The following LYN variants were observed in gnomAD, a reference collection of about 807,000 sequenced individuals.
LYN encodes LYN proto-oncogene, Src family tyrosine kinase, also known as tyrosine-protein kinase Lyn.
Under a neutral mutation model 65.0 loss-of-function variants are expected in LYN, and 12 were observed. The observed-to-expected ratio is 0.18, with a 90% CI of 0.12 to 0.30. The LOEUF is 0.30. LYN is among the 10% of genes least tolerant of loss of function. LYN has a pLI of 1.00. For missense variants in LYN, 380 were observed against 623.2 expected, an observed-to-expected ratio of 0.61 and a Z score of 4.16; for synonymous variants, 222 against 221.2, an observed-to-expected ratio of 1.00 and a Z score of -0.03.
At chr8:55,897,544 C>T (rs1805152228) in intron 1 of LYN, among the ~76,000 whole-genome samples, 1 of 152,144 alleles carries the variant, frequency 6.6e-6, no homozygotes, top group African/African-American at 2.4e-5. Flanking sequence ...AGAAAACCTA[C>T]TACTACTACT....
At chr8:55,891,757 G>A (rs1240911081) in intron 1 of LYN, among the ~76,000 whole-genome samples, 1 of 152,186 alleles carries the variant, frequency 6.6e-6, no homozygotes. Flanking sequence ...GAGCAGATAC[G>A]TGTACAAATA....
chr8:55,882,511 C>T (rs1804678980), intron 1 of LYN, among the ~76,000 whole-genome samples: 1 of 152,072 alleles, frequency 6.6e-6, no homozygotes, highest in Admixed American at 6.5e-5. Context: ...GTATACATGC[C>T]CACAGCAGGG....
intron 1 of LYN, among the ~76,000 whole-genome samples, chr8:55,911,921 G>T (rs1157823093): frequency 6.6e-6 from 1 of 152,120 alleles, no homozygotes; most frequent in Non-Finnish European, 1.5e-5. Flanking sequence ...TTATTGATGG[G>T]GTGTGGTGGG....
At chr8:56,004,325 G>A (rs374909038) in intron 12 of LYN, among the ~76,000 whole-genome samples, 17 of 134,654 alleles carry the variant, frequency 1.3e-4, no homozygotes, top group Admixed American at 5.6e-4. Flanking sequence ...ACAGAGTCTC[G>A]CTCCGTCACC....
At chr8:55,897,902 C>T (rs190529618) in intron 1 of LYN, among the ~76,000 whole-genome samples, 1 of 151,842 alleles carries the variant, frequency 6.6e-6, no homozygotes, top group East Asian at 1.9e-4. Flanking sequence ...GACAGTGAGG[C>T]CCTGTCTCAC....
chr8:55,954,032 G>A, intron 8 of LYN, 48 bp downstream of exon 8: 2 of 1,593,618 alleles, frequency 1.3e-6, no homozygotes, highest in Non-Finnish European at 8.6e-7. Context: ...ATGGTGACAG[G>A]AGAAGTAAAG....
intron 10 of LYN, among the ~76,000 whole-genome samples, chr8:55,986,652 T>C (rs1017197007): frequency 2.6e-5 from 4 of 152,232 alleles, no homozygotes; most frequent in African/African-American, 9.6e-5. Flanking sequence ...AGCTTGGATA[T>C]GCCAAACACT....
chr8:55,993,278 T>C (rs1808296175), intron 10 of LYN, among the ~76,000 whole-genome samples: 1 of 152,216 alleles, frequency 6.6e-6, no homozygotes, highest in Admixed American at 6.5e-5. Flanking sequence ...CTTCCTGAAA[T>C]GGGAACCAGA....
intron 1 of LYN, among the ~76,000 whole-genome samples, chr8:55,913,899 CG>C: frequency 6.6e-6 from 1 of 152,082 alleles, no homozygotes; most frequent in East Asian, 1.9e-4. Flanking sequence ...CTTATGGCTG[CG>C]AGAGAGGATG....
At chr8:55,974,031 A>C (rs943262331) in intron 10 of LYN, among the ~76,000 whole-genome samples, 2 of 152,238 alleles carry the variant, frequency 1.3e-5, no homozygotes, top group Non-Finnish European at 2.9e-5. Context: ...TTCTACCTCC[A>C]TTATCTAATT....
intron 2 of LYN, 83 bp from the exon 3 acceptor site, chr8:55,946,365 G>C: frequency 1.1e-6 from 1 of 892,098 alleles, no homozygotes; most frequent in Non-Finnish European, 1.9e-6. Context: ...ATCTGCTACT[G>C]TTACAAAAAT....
intron 10 of LYN, among the ~76,000 whole-genome samples, chr8:55,986,193 G>C (rs57379839): frequency 0.31 from 44,712 of 145,404 alleles, 8,578 homozygotes; most frequent in African/African-American, 0.53. Flanking sequence ...AATCCCCCCC[G>C]CAAAAAAAAA....
chr8:55,971,652 T>G (rs1807613129), intron 10 of LYN, among the ~76,000 whole-genome samples: 1 of 152,244 alleles, frequency 6.6e-6, no homozygotes, highest in African/African-American at 2.4e-5. Flanking sequence ...ACCCGGAGAA[T>G]GACTTTATTT....
intron 1 of LYN, among the ~76,000 whole-genome samples, chr8:55,914,125 A>T (rs1240953112): frequency 2.0e-5 from 3 of 151,904 alleles, no homozygotes; most frequent in Non-Finnish European, 4.4e-5. Flanking sequence ...TGCACGTATG[A>T]CAGAGAGAGA....
rs1017278376 is a variant in LYN at position 55,896,272 on chromosome 8, GA to G, written c.-6+16178del. 2.0e-3 allele frequency among the ~76,000 whole-genome samples: 303 copies of G among 148,528 alleles called. 1 individual carries two copies. Among genetic ancestry groups the G allele is most frequent in the African/African-American group, 6.9e-3 (279 of 40,386 alleles). ...GTAGCAGAGCAAGACTCTCATCTCT[GA>G]AAAAAAAAGAAAAGAAAAAGAAACA... On this transcript the variant is annotated intron_variant, in intron 1 of 12. Coordinates refer to ENST00000519728, the MANE Select transcript of LYN (RefSeq NM_002350.4).
At chr8:55,967,765 T>C (rs1324314094) in intron 9 of LYN, among the ~76,000 whole-genome samples, 3 of 152,232 alleles carry the variant, frequency 2.0e-5, no homozygotes, top group East Asian at 1.9e-4. Flanking sequence ...CTTCAAGCAA[T>C]CAATTTTTCT....
At chr8:55,989,181 C>T (rs935621248) in intron 10 of LYN, among the ~76,000 whole-genome samples, 1 of 152,232 alleles carries the variant, frequency 6.6e-6, no homozygotes, top group Admixed American at 6.5e-5. Flanking sequence ...GCCGGTTTCA[C>T]CGTGTGGGAT....
At chr8:56,001,324 G>A (rs1321444371) in intron 12 of LYN, among the ~76,000 whole-genome samples, 3 of 152,212 alleles carry the variant, frequency 2.0e-5, no homozygotes, top group African/African-American at 7.2e-5. Flanking sequence ...AGGCTATGTA[G>A]CTGGGGGTTA....
intron 3 of LYN, among the ~76,000 whole-genome samples, 167 bp downstream of exon 3, chr8:55,946,660 A>G (rs942421917): frequency 2.4e-4 from 36 of 152,158 alleles, no homozygotes; most frequent in African/African-American, 8.7e-4. Flanking sequence ...CATTAGGTAC[A>G]TTCACATTGT....
Sources: allele counts gnomAD v4.1 joint callset (sites outside exome capture counted in the v4.1 genomes callset), GRCh38; gene constraint gnomAD v4.1.1; transcripts MANE v1.5; gene names NCBI Gene and HGNC (gene_info 2026-07-23, HGNC 2026-07-21).